GPR107: variants seen among roughly 807,000 people sequenced by gnomAD.
GPR107 encodes protein GPR107.
GPR107 carries 31 observed loss-of-function variants against 75.5 expected under a neutral mutation model. That is an observed-to-expected ratio of 0.41 (90% confidence interval 0.31 to 0.55). The LOEUF is 0.55. GPR107 is among the 20% of genes least tolerant of loss of function. The pLI, the probability that GPR107 is intolerant of heterozygous loss-of-function variation, is 0.26. For synonymous variants in GPR107, 267 were observed against 251.3 expected (o/e 1.06, Z -0.59); for missense variants, 572 against 665.7 (o/e 0.86, Z 1.55).
chr9:130,081,208 A>C (rs1318761126), intron 5 of GPR107, among the ~76,000 whole-genome samples: 1 of 152,052 alleles, frequency 6.6e-6, no homozygotes, highest in East Asian at 1.9e-4. Flanking sequence ...CTGTCTCCGA[A>C]ATAAATACAT....
intron 5 of GPR107, 106 bp downstream of exon 5, chr9:130,079,875 C>A: frequency 1.6e-6 from 1 of 618,958 alleles, no homozygotes; most frequent in Non-Finnish European, 2.5e-6. Flanking sequence ...GTCGTCTTAG[C>A]ATTATATTTT....
At chr9:130,072,038 C>T (rs1589488274) in intron 1 of GPR107, among the ~76,000 whole-genome samples, 1 of 151,672 alleles carries the variant, frequency 6.6e-6, no homozygotes, top group African/African-American at 2.4e-5. Flanking sequence ...AGTGGTACAA[C>T]CCGGCTCCCT....
At chr9:130,071,956 A>G (rs1402147767) in intron 1 of GPR107, among the ~76,000 whole-genome samples, 1 of 149,188 alleles carries the variant, frequency 6.7e-6, no homozygotes, top group African/African-American at 2.5e-5. Context: ...AAGTGCTGGG[A>G]TTACAGGCGT....
chr9:130,111,328 G>T (rs972883497), intron 14 of GPR107, among the ~76,000 whole-genome samples: 5 of 151,878 alleles, frequency 3.3e-5, no homozygotes, highest in Non-Finnish European at 5.9e-5. Flanking sequence ...AAAAACTGTG[G>T]CAGACCAGCC....
intron 1 of GPR107, among the ~76,000 whole-genome samples, chr9:130,057,945 C>T (rs1199982312): frequency 2.0e-4 from 31 of 151,908 alleles, no homozygotes; most frequent in Admixed American, 2.0e-3. Flanking sequence ...TCTCCTGCCT[C>T]AACCTCCCAA....
chr9:130,124,924 A>G lies in GPR107; in HGVS notation c.1316A>G (p.Asn439Ser). Reference sequence around the variant, plus strand: ...TCTTTCTTCTCTCTAGCTGCTATTAACTTAGCAAAGCTGAAACTTTTCAGA... The same window carrying G: ...TCTTTCTTCTCTCTAGCTGCTATTAGCTTAGCAAAGCTGAAACTTTTCAGA... ...ASATDGKAAINLAKLKLFRHY... is the reference protein window; with the variant it reads ...ASATDGKAAISLAKLKLFRHY... Residue 439 changes from asparagine (N) to serine (S), a missense_variant, in exon 15 of 18, where the codon AAC becomes AGC. Physicochemically the swap from Asn to Ser is conservative, Grantham distance 46. Transcript: ENST00000347136. 1 of 1,552,188 alleles carries G rather than the reference A, an allele frequency of 6.4e-7. No homozygotes were observed.
chr9:130,130,396 C>T (rs1447885434), intron 17 of GPR107, among the ~76,000 whole-genome samples: 2 of 152,252 alleles, frequency 1.3e-5, no homozygotes, highest in East Asian at 3.9e-4. Flanking sequence ...AGGTTTTCTC[C>T]CTGGGGTTCC....
At chr9:130,102,475 G>C (rs915824491) in intron 12 of GPR107, among the ~76,000 whole-genome samples, 2 of 152,186 alleles carry the variant, frequency 1.3e-5, no homozygotes, top group African/African-American at 2.4e-5. Context: ...CAGACACACA[G>C]AGTTCCATGG....
intron 5 of GPR107, among the ~76,000 whole-genome samples, chr9:130,080,688 T>G (rs928954902): frequency 1.3e-5 from 2 of 151,226 alleles, no homozygotes; most frequent in African/African-American, 4.8e-5. Flanking sequence ...AGACAGGGTT[T>G]CACGGTGTTA....
At chr9:130,073,467 T>G (rs1244153417) in intron 1 of GPR107, among the ~76,000 whole-genome samples, 1 of 152,218 alleles carries the variant, frequency 6.6e-6, no homozygotes, top group Non-Finnish European at 1.5e-5. Flanking sequence ...CCCACTCTTG[T>G]AGATTCCAGG....
intron 17 of GPR107, among the ~76,000 whole-genome samples, chr9:130,131,503 C>T (rs541179859): frequency 2.6e-5 from 4 of 152,258 alleles, no homozygotes; most frequent in South Asian, 2.1e-4. Context: ...CCCTTACTCC[C>T]GTTCTCCCTC....
intron 1 of GPR107, among the ~76,000 whole-genome samples, chr9:130,062,651 TGCCTG>T (rs1564657645): frequency 0.01 from 822 of 81,024 alleles, 1 homozygote; most frequent in Middle Eastern, 0.019. Context: ...CCTGCCTGCC[TGCCTG>T]CCTGCCTTCC....
chr9:130,133,964 T>G (rs1425403389), intron 17 of GPR107, among the ~76,000 whole-genome samples: 2 of 152,154 alleles, frequency 1.3e-5, no homozygotes, highest in South Asian at 2.1e-4. Context: ...ATGGGTCACA[T>G]ATACGGCCAC....
intron 13 of GPR107, among the ~76,000 whole-genome samples, chr9:130,106,427 T>G (rs934414330): frequency 4.0e-5 from 6 of 151,764 alleles, no homozygotes; most frequent in Non-Finnish European, 2.9e-5. Context: ...CAAAACCCCA[T>G]CTTAACTAAA....
At chr9:130,058,144 T>A (rs1377086284) in intron 1 of GPR107, among the ~76,000 whole-genome samples, 1 of 151,988 alleles carries the variant, frequency 6.6e-6, no homozygotes, top group African/African-American at 2.4e-5. Context: ...TTATTTTTGT[T>A]TATTTTTTTA....
At chr9:130,128,879 A>G (rs1831751147) in intron 17 of GPR107, 118 bp downstream of exon 17, 3 of 911,816 alleles carry the variant, frequency 3.3e-6, no homozygotes, top group Non-Finnish European at 5.1e-6. Context: ...TGGTTCCTCT[A>G]TTTTTAGCAG....
At chr9:130,056,205 A>G (rs1231659340) in intron 1 of GPR107, among the ~76,000 whole-genome samples, 1 of 152,022 alleles carries the variant, frequency 6.6e-6, no homozygotes, top group African/African-American at 2.4e-5. Flanking sequence ...TAATCCCAGC[A>G]CTTTCAGAGG....
intron 1 of GPR107, among the ~76,000 whole-genome samples, chr9:130,064,808 G>A (rs1191008284): frequency 1.3e-5 from 2 of 152,188 alleles, no homozygotes; most frequent in Non-Finnish European, 2.9e-5. Context: ...GGAAGAAGGC[G>A]ATGTGATGGT....
At chr9:130,118,059 T>C (rs576356387) in intron 14 of GPR107, among the ~76,000 whole-genome samples, 12 of 152,354 alleles carry the variant, frequency 7.9e-5, no homozygotes, top group African/African-American at 2.9e-4. Context: ...GTTAAGAGCT[T>C]GGTCCTTGGA....
Sources: gnomAD v4.1 joint callset for allele counts (sites outside exome capture counted in the v4.1 genomes callset) on GRCh38, gnomAD v4.1.1 for gene constraint, MANE v1.5 for transcripts, NCBI Gene and HGNC (gene_info 2026-07-23, HGNC 2026-07-21) for gene names.